TENM2: variants seen among roughly 807,000 people sequenced by gnomAD.
The protein encoded by TENM2 is teneurin-2.
Under a neutral mutation model 245.2 loss-of-function variants are expected in TENM2, and 52 were observed. The ratio of observed to expected loss-of-function variants is 0.21; its 90% CI spans 0.17 to 0.27. The LOEUF (loss-of-function observed/expected upper bound fraction) is 0.27. TENM2 is among the 10% of genes least tolerant of loss of function. The pLI is 1.00. For synonymous variants in TENM2, 1,363 were observed against 1,438.9 expected (o/e 0.95, Z 1.19); for missense variants, 3,046 against 3,666.8 (o/e 0.83, Z 4.37).
chr5:167,825,079 G>A (rs891017943), intron 2 of TENM2, among the ~76,000 whole-genome samples: 2 of 152,134 alleles, frequency 1.3e-5, no homozygotes, highest in Non-Finnish European at 1.5e-5. Context: ...TTGGGAGGGA[G>A]GCAAATATAT....
intron 12 of TENM2, among the ~76,000 whole-genome samples, chr5:168,156,266 A>AAAAAAAAAC (rs1554210115): frequency 3.4e-5 from 5 of 148,366 alleles, no homozygotes; most frequent in African/African-American, 7.5e-5. Context: ...AAAAAAAAAA[A>AAAAAAAAAC]CACTTTTTTT....
intron 2 of TENM2, among the ~76,000 whole-genome samples, chr5:167,630,933 C>A (rs1038318043): frequency 6.6e-6 from 1 of 152,164 alleles, no homozygotes; most frequent in African/African-American, 2.4e-5. Context: ...TCCCCAGTAT[C>A]CTCATGTACC....
At chr5:167,150,572 A>G in the TENM2 span, among the ~76,000 whole-genome samples, 1 of 152,232 alleles carries the variant, frequency 6.6e-6, no homozygotes, top group Non-Finnish European at 1.5e-5. Context: ...TTACTATGCC[A>G]GCAACTATTC....
At chr5:167,771,349 CTG>C (rs911933825) in intron 2 of TENM2, among the ~76,000 whole-genome samples, 3 of 152,162 alleles carry the variant, frequency 2.0e-5, no homozygotes, top group South Asian at 2.1e-4. Flanking sequence ...TTTACCTTGT[CTG>C]TGTGTTCACT....
the TENM2 span, among the ~76,000 whole-genome samples, chr5:167,028,904 A>G: frequency 6.6e-6 from 1 of 152,146 alleles, no homozygotes; most frequent in Admixed American, 6.5e-5. Flanking sequence ...AAATTTTCGA[A>G]CTTATTAGAT....
intron 13 of TENM2, chr5:168,185,275 C>T (rs1226857685): frequency 1.3e-5 from 2 of 152,234 alleles, no homozygotes; most frequent in Non-Finnish European, 2.9e-5. Flanking sequence ...TTCTTAGCCA[C>T]TTGGATATCC....
chr5:168,090,557 C>G lies in TENM2; in HGVS notation c.1516-17C>G. The G allele has an allele frequency of 1.2e-6, 2 of 1,608,960 alleles. No individual in the cohort carries two copies. The highest frequency in any genetic ancestry group is 8.5e-7 in the Non-Finnish European group (1 of 1,177,888). On this transcript the variant is annotated splice_polypyrimidine_tract_variant and intron_variant, in intron 7 of 28. Transcript: ENST00000518659. Reference sequence around the variant, plus strand: ...CACACCTTGTCTCATGCATGGTACTCTCTCTCCTTTTCCCAGTATGACTTC... The same window carrying G: ...CACACCTTGTCTCATGCATGGTACTGTCTCTCCTTTTCCCAGTATGACTTC...
At chr5:167,443,043 A>G (rs923021094) in intron 2 of TENM2, among the ~76,000 whole-genome samples, 28 of 152,198 alleles carry the variant, frequency 1.8e-4, no homozygotes, top group Non-Finnish European at 2.8e-4. Context: ...AAGTTTGCCA[A>G]TGCACAAAAG....
chr5:168,156,195 A>T (rs1306269961), intron 12 of TENM2, among the ~76,000 whole-genome samples: 1 of 135,318 alleles, frequency 7.4e-6, no homozygotes, highest in Non-Finnish European at 1.5e-5. Flanking sequence ...AGACATCCAG[A>T]TTCCATTCCC....
At chr5:168,066,319 T>C (rs1790503471) in intron 7 of TENM2, among the ~76,000 whole-genome samples, 2 of 152,274 alleles carry the variant, frequency 1.3e-5, no homozygotes, top group African/African-American at 2.4e-5. Context: ...ATCATAACTT[T>C]AGTGGAGGAG....
In TENM2 at chr5:168,154,147, T is replaced by TAAAAAAAAAA. The variant is rs70976465; in HGVS notation, c.2423-8454_2423-8445dup. The stretch of plus-strand genomic sequence containing the variant: ...CATTTCCTCACATGATCACCTACTT[T>TAAAAAAAAAA]AAAAAAAAAAAAAAAAAAACAGTAA... On this transcript the variant is annotated intron_variant, in intron 12 of 28. Coordinates refer to ENST00000518659, the Ensembl canonical transcript of TENM2. Among the ~76,000 whole-genome samples, 32 of 85,056 alleles carry TAAAAAAAAAA rather than the reference T, an allele frequency of 3.8e-4. 1 individual carries two copies. Among genetic ancestry groups the TAAAAAAAAAA allele is most frequent in the African/African-American group, 1.0e-3 (27 of 26,432 alleles). The allele number at this position is 85,056 out of a possible 152,430, so 55.8% of individuals were successfully genotyped here.
At chr5:167,500,280 T>C (rs908017293) in intron 2 of TENM2, among the ~76,000 whole-genome samples, 1 of 152,076 alleles carries the variant, frequency 6.6e-6, no homozygotes, top group African/African-American at 2.4e-5. Flanking sequence ...TGACAACTGT[T>C]CTGTCTGATA....
At chr5:167,335,004 A>G (rs1757673008) in intron 1 of TENM2, among the ~76,000 whole-genome samples, 1 of 152,224 alleles carries the variant, frequency 6.6e-6, no homozygotes, top group African/African-American at 2.4e-5. Flanking sequence ...TATTTTATTA[A>G]TAGCTTGGTT....
intron 2 of TENM2, among the ~76,000 whole-genome samples, chr5:167,672,286 C>A (rs1360211902): frequency 6.6e-6 from 1 of 151,752 alleles, no homozygotes; most frequent in Non-Finnish European, 1.5e-5. Flanking sequence ...TATACACACA[C>A]ATATATATAC....
At chr5:167,751,961 C>T (rs933823415) in intron 2 of TENM2, among the ~76,000 whole-genome samples, 1 of 151,922 alleles carries the variant, frequency 6.6e-6, no homozygotes, top group Non-Finnish European at 1.5e-5. Flanking sequence ...AATACACACA[C>T]ACACACACAC....
chr5:167,380,170 A>G (rs36047282), intron 2 of TENM2, among the ~76,000 whole-genome samples: 5,129 of 152,176 alleles, frequency 0.034, 116 homozygotes, highest in Non-Finnish European at 0.056. Flanking sequence ...TTCTAATTCA[A>G]TTCCCTCAAA....
chr5:167,853,289 C>CAAAAACAAAA (rs1770761115), intron 2 of TENM2, among the ~76,000 whole-genome samples: 1 of 24,622 alleles, frequency 4.1e-5, no homozygotes, highest in Non-Finnish European at 7.4e-5. Context: ...GACTCCGTCT[C>CAAAAACAAAA]AAAAAAAAAA....
the TENM2 span, among the ~76,000 whole-genome samples, chr5:167,178,734 G>A: frequency 6.6e-6 from 1 of 152,124 alleles, no homozygotes; most frequent in African/African-American, 2.4e-5. Flanking sequence ...GCATTTCACA[G>A]CGTAAATGAT....
chr5:167,099,286 A>T, the TENM2 span, among the ~76,000 whole-genome samples: 9 of 152,140 alleles, frequency 5.9e-5, no homozygotes, highest in Admixed American at 2.6e-4. Flanking sequence ...TTTGACACAT[A>T]TAAAATATCC....
Sources: gnomAD v4.1 joint callset for allele counts (sites outside exome capture counted in the v4.1 genomes callset) on GRCh38, gnomAD v4.1.1 for gene constraint, MANE v1.5 for transcripts, NCBI Gene and HGNC (gene_info 2026-07-23, HGNC 2026-07-21) for gene names.